TECPR2: variants seen among roughly 807,000 people sequenced by gnomAD.
TECPR2 encodes the protein tectonin beta-propeller repeat containing 2.
A neutral mutation model predicts 138.1 loss-of-function variants in TECPR2; 65 were observed. The ratio of observed to expected loss-of-function variants is 0.47; its 90% confidence interval spans 0.39 to 0.58. The LOEUF is 0.58. Ranked by LOEUF, TECPR2 falls within the 20% of genes least tolerant of loss-of-function variation. The pLI is 0.00. For missense variants in TECPR2, 1,553 were observed against 1,824.5 expected, an observed-to-expected ratio of 0.85 and a Z score of 2.71; for synonymous variants, 746 against 749.8, an observed-to-expected ratio of 0.99 and a Z score of 0.08.
intron 16 of TECPR2, among the ~76,000 whole-genome samples, chr14:102,457,329 C>T (rs1266837935): frequency 6.6e-6 from 1 of 152,092 alleles, no homozygotes; most frequent in African/African-American, 2.4e-5. Context: ...AACTGATGCA[C>T]CCGTCTTGGC....
chr14:102,404,061 C>CT (rs759501601), intron 2 of TECPR2, among the ~76,000 whole-genome samples: 566 of 140,818 alleles, frequency 4.0e-3, no homozygotes, highest in African/African-American at 7.9e-3. Flanking sequence ...CTATGCCCGG[C>CT]TTTTTTTTTT....
intron 17 of TECPR2, among the ~76,000 whole-genome samples, chr14:102,494,171 G>A (rs1012075656): frequency 3.3e-5 from 5 of 152,146 alleles, no homozygotes; most frequent in Admixed American, 2.6e-4. Context: ...TGGAGTGAGC[G>A]ACCAAAGGGC....
At chr14:102,496,803 T>C (rs1220050209) in intron 17 of TECPR2, 176 bp from the exon 18 acceptor site, 3 of 907,084 alleles carry the variant, frequency 3.3e-6, no homozygotes, top group African/African-American at 1.7e-5. Context: ...TGGAGACAAG[T>C]GACCATCTCC....
At chr14:102,481,906 G>C (rs954480107) in intron 17 of TECPR2, among the ~76,000 whole-genome samples, 3 of 152,068 alleles carry the variant, frequency 2.0e-5, no homozygotes, top group African/African-American at 7.2e-5. Flanking sequence ...CAGAGCTGCA[G>C]TGCTTCCTGG....
At position 102,498,837 on chromosome 14, in the gene TECPR2, G is replaced by C; in HGVS notation, c.*580G>C. On this transcript the variant is annotated 3_prime_UTR_variant, in exon 20 of 20. Transcript: ENST00000359520. ...GAGAGGAGAGCGCTGGCCATGCCAG[G>C]AGAGAACCCACGCACATGCACACCA... The C allele has an allele frequency of 1.6e-6, 1 of 619,458 alleles. No homozygotes were observed. Among genetic ancestry groups the C allele is most frequent in the Non-Finnish European group, 3.0e-6 (1 of 329,980 alleles). 38.4% of individuals were successfully genotyped at this position (619,458 alleles called of 1,614,324 possible).
rs770334833 is a variant in TECPR2, at chr14:102,449,635, A to C, written c.3082A>C (p.Ile1028Leu). ...GCTTGTCTCCTCCTTCCAGGTGAGC[A>C]TCACGGACTATGTGGTGTTTGACCA... ...GDDDHWWQVS[I>L]TDYVVFDQCS... Residue 1028 changes from isoleucine (I) to leucine (L), a missense_variant, in exon 14 of 20, where the codon ATC becomes CTC. Coordinates refer to ENST00000359520, the MANE Select transcript of TECPR2 (RefSeq NM_014844.5). The C allele has an allele frequency of 1.2e-6, 2 of 1,614,006 alleles. No individual in the cohort carries two copies. The highest frequency in any genetic ancestry group is 1.7e-6 in the Non-Finnish European group (2 of 1,179,992).
chr14:102,456,988 G>A (rs1890290975), intron 16 of TECPR2, among the ~76,000 whole-genome samples: 1 of 152,096 alleles, frequency 6.6e-6, no homozygotes, highest in Non-Finnish European at 1.5e-5. Flanking sequence ...CAGGGTAGGG[G>A]CAGTGAGCAT....
At chr14:102,466,371 A>G (rs1276874470) in intron 17 of TECPR2, among the ~76,000 whole-genome samples, 1 of 152,190 alleles carries the variant, frequency 6.6e-6, no homozygotes, top group Non-Finnish European at 1.5e-5. Context: ...GGCACTGTCA[A>G]ACATGAGGTT....
Position 102,500,205 on chromosome 14 carries a change from G to A in TECPR2, c.*1948G>A, listed in dbSNP as rs1288210576. On this transcript the variant is annotated 3_prime_UTR_variant, in exon 20 of 20. Coordinates refer to ENST00000359520, the MANE Select transcript of TECPR2 (RefSeq NM_014844.5). ...TGGCCGAGTGTGGTGCCTGAGCTGT[G>A]AGAAGTGTCCTCAGCCGACACTCAC... 1 of 152,528 alleles carries A rather than the reference G, an allele frequency of 6.6e-6. No individual in the cohort carries two copies. Among genetic ancestry groups the A allele is most frequent in the Non-Finnish European group, 1.5e-5 (1 of 68,062 alleles). The allele number at this position is 152,528 out of a possible 1,614,324, so 9.4% of individuals were successfully genotyped here. A position where few individuals can be genotyped will look rare whatever the true frequency, so the allele number is the denominator to read the frequency against.
intron 6 of TECPR2, 141 bp from the exon 7 acceptor site, chr14:102,428,109 G>A: frequency 8.3e-7 from 1 of 1,199,312 alleles, no homozygotes; most frequent in Non-Finnish European, 1.1e-6. Context: ...GATTGAATTG[G>A]AATTTTCAGA....
intron 11 of TECPR2, among the ~76,000 whole-genome samples, chr14:102,442,620 G>A (rs868754653): frequency 1.2e-4 from 18 of 152,190 alleles, no homozygotes; most frequent in African/African-American, 3.6e-4. Context: ...TTCACATGAG[G>A]TGGCCCCACC....
chr14:102,388,960 C>CAAAAA (rs778348018), intron 2 of TECPR2, among the ~76,000 whole-genome samples: 1 of 59,408 alleles, frequency 1.7e-5, no homozygotes, highest in African/African-American at 7.1e-5. Context: ...GACTCCGTCT[C>CAAAAA]AAAAAAAAAA....
chr14:102,489,019 A>G (rs915096437), intron 17 of TECPR2, among the ~76,000 whole-genome samples: 2 of 151,852 alleles, frequency 1.3e-5, no homozygotes, highest in African/African-American at 4.8e-5. Flanking sequence ...AGACACTAGG[A>G]CTACAGGCAT....
intron 18 of TECPR2, 77 bp downstream of exon 18, chr14:102,497,197 C>A: frequency 6.5e-7 from 1 of 1,534,896 alleles, no homozygotes. Flanking sequence ...GCGCTCCCTC[C>A]AGGCCGCTGT....
chr14:102,406,791 C>G (rs1397865969), intron 2 of TECPR2, among the ~76,000 whole-genome samples: 1 of 152,134 alleles, frequency 6.6e-6, no homozygotes, highest in African/African-American at 2.4e-5. Context: ...GAGGTTGAGG[C>G]TGCAGTGAAC....
intron 2 of TECPR2, among the ~76,000 whole-genome samples, chr14:102,387,146 A>G (rs2139670331): frequency 1.3e-5 from 2 of 152,336 alleles, no homozygotes; most frequent in Non-Finnish European, 2.9e-5. Flanking sequence ...GGCATGATTG[A>G]AAGATTATGT....
intron 17 of TECPR2, among the ~76,000 whole-genome samples, chr14:102,482,825 GC>G (rs1412853209): frequency 6.7e-6 from 1 of 150,000 alleles, no homozygotes; most frequent in Non-Finnish European, 1.5e-5. Context: ...CTACTGAGAA[GC>G]CAGAAGCCTT....
chr14:102,394,389 G>C (rs2139678350), intron 2 of TECPR2, among the ~76,000 whole-genome samples: 1 of 152,236 alleles, frequency 6.6e-6, no homozygotes, highest in South Asian at 2.1e-4. Flanking sequence ...GATCACTGGA[G>C]TCCAGGAGTT....
chr14:102,368,728 T>A (rs534959189), intron 1 of TECPR2, among the ~76,000 whole-genome samples: 1 of 152,308 alleles, frequency 6.6e-6, no homozygotes, highest in South Asian at 2.1e-4. Context: ...CTAATTTTGA[T>A]GGCTGAATGA....
Sources: gnomAD v4.1 joint callset for allele counts (sites outside exome capture counted in the v4.1 genomes callset) on GRCh38, gnomAD v4.1.1 for gene constraint, MANE v1.5 for transcripts, NCBI Gene and HGNC (gene_info 2026-07-23, HGNC 2026-07-21) for gene names.